Variants in PPM1H observed in about 807,000 individuals in gnomAD.
PPM1H encodes protein phosphatase, Mg2+/Mn2+ dependent 1H, also known as protein phosphatase 1H.
A neutral mutation model predicts 54.9 loss-of-function variants in PPM1H; 27 were observed. The ratio of observed to expected loss-of-function variants is 0.49; its 90% CI spans 0.36 to 0.68. PPM1H has a LOEUF of 0.68. Ranked by LOEUF, PPM1H falls within the 30% of genes least tolerant of loss-of-function variation. The pLI, the probability that PPM1H is intolerant of heterozygous loss-of-function variation, is 0.00. For missense variants in PPM1H, 596 were observed against 667.8 expected (o/e 0.89, Z 1.19); for synonymous variants, 305 against 270.8 (o/e 1.13, Z -1.24).
At position 62,816,633 on chromosome 12, in the gene PPM1H, A is replaced by G. The variant is rs1366086355; in HGVS notation, c.412-14473T>C. Among the ~76,000 whole-genome samples, 7 of 152,356 alleles carry G rather than the reference A, an allele frequency of 4.6e-5. No individual in the cohort carries two copies. The East Asian group carries it at 1.3e-3, about 29-fold the overall frequency. On this transcript the variant is annotated intron_variant, in intron 2 of 9. Transcript: ENST00000228705. ...ACTTCTGGTTTCAAACATTTTGGAT[A>G]AGGGATACTTAGCCTATATAAGGTT... is the stretch of plus-strand genomic sequence containing the variant.
At chr12:62,812,386 TA>T (rs2076841256) in intron 2 of PPM1H, among the ~76,000 whole-genome samples, 1 of 152,182 alleles carries the variant, frequency 6.6e-6, no homozygotes, top group South Asian at 2.1e-4. Flanking sequence ...TTGCTCCAGA[TA>T]AACATGAGTT....
intron 9 of PPM1H, among the ~76,000 whole-genome samples, chr12:62,665,564 TA>T (rs1384945871): frequency 6.6e-6 from 1 of 152,234 alleles, no homozygotes; most frequent in East Asian, 1.9e-4. Context: ...CTGGATTATT[TA>T]TTAGATCAAT....
At chr12:62,868,536 G>A (rs1056275493) in intron 1 of PPM1H, among the ~76,000 whole-genome samples, 3 of 152,148 alleles carry the variant, frequency 2.0e-5, no homozygotes, top group African/African-American at 7.2e-5. Context: ...CCATCTTATT[G>A]ACCGCTACTG....
intron 8 of PPM1H, among the ~76,000 whole-genome samples, chr12:62,685,154 A>C (rs1180653604): frequency 6.6e-6 from 1 of 152,150 alleles, no homozygotes; most frequent in African/African-American, 2.4e-5. Context: ...ATAGGTGCAC[A>C]GTGTTACTTT....
chr12:62,858,878 A>G (rs1024911243), intron 1 of PPM1H, among the ~76,000 whole-genome samples: 39 of 152,242 alleles, frequency 2.6e-4, no homozygotes, highest in African/African-American at 9.4e-4. Context: ...ATGAACAGTC[A>G]TGGGGGACAA....
chr12:62,910,451 A>G (rs1447633576), intron 1 of PPM1H, among the ~76,000 whole-genome samples: 1 of 152,182 alleles, frequency 6.6e-6, no homozygotes, highest in Non-Finnish European at 1.5e-5. Context: ...ATTCAAAGAG[A>G]GAAAGATACT....
chr12:62,734,077 T>C (rs528458573), intron 5 of PPM1H, among the ~76,000 whole-genome samples: 1 of 151,812 alleles, frequency 6.6e-6, no homozygotes, highest in South Asian at 2.1e-4. Flanking sequence ...TAAATGGGAT[T>C]AGAGCCCTTA....
At chr12:62,799,826 T>C (rs2076756257) in intron 3 of PPM1H, among the ~76,000 whole-genome samples, 7 of 152,176 alleles carry the variant, frequency 4.6e-5, no homozygotes. Flanking sequence ...GCACTGGAGA[T>C]ATAACCTGAT....
intron 3 of PPM1H, among the ~76,000 whole-genome samples, chr12:62,791,449 G>C (rs1351679378): frequency 6.6e-6 from 1 of 152,072 alleles, no homozygotes; most frequent in Non-Finnish European, 1.5e-5. Flanking sequence ...TGCATTTAAA[G>C]AACGCATATA....
At chr12:62,650,418 G>A (rs551180321) in intron 9 of PPM1H, among the ~76,000 whole-genome samples, 15 of 152,266 alleles carry the variant, frequency 9.9e-5, no homozygotes, top group South Asian at 6.2e-4. Flanking sequence ...CAAACAGTTC[G>A]TCCTGAGGTT....
intron 4 of PPM1H, chr12:62,755,948 T>C: frequency 1.1e-6 from 1 of 874,464 alleles, no homozygotes; most frequent in Non-Finnish European, 1.9e-6. Context: ...TGCCAATGTG[T>C]CAGTTGTGGG....
chr12:62,915,147 A>G (rs1025198318), intron 1 of PPM1H, among the ~76,000 whole-genome samples: 3 of 152,206 alleles, frequency 2.0e-5, no homozygotes, highest in Non-Finnish European at 4.4e-5. Flanking sequence ...CCCTGCCTCT[A>G]TGCAGTTTTT....
intron 1 of PPM1H, among the ~76,000 whole-genome samples, chr12:62,851,651 C>T (rs527558206): frequency 1.3e-5 from 2 of 151,814 alleles, no homozygotes; most frequent in Admixed American, 6.6e-5. Flanking sequence ...TGCCATGAGC[C>T]GAGATCGTGC....
At chr12:62,666,854 C>T (rs144717449) in intron 9 of PPM1H, among the ~76,000 whole-genome samples, 2,467 of 152,268 alleles carry the variant, frequency 0.016, 35 homozygotes, top group Middle Eastern at 0.031. Flanking sequence ...ACTGGGATTA[C>T]AGGTGCCCAC....
At chr12:62,721,787 A>C (rs889516496) in intron 5 of PPM1H, among the ~76,000 whole-genome samples, 1 of 152,164 alleles carries the variant, frequency 6.6e-6, no homozygotes, top group Non-Finnish European at 1.5e-5. Flanking sequence ...TATATCCCAC[A>C]CTGCTGTTTT....
intron 1 of PPM1H, among the ~76,000 whole-genome samples, chr12:62,869,111 T>C (rs482794): frequency 0.64 from 97,699 of 152,052 alleles, 32,497 homozygotes; most frequent in African/African-American, 0.82. Context: ...CACTGATTCA[T>C]CAATACCCTA....
chr12:62,703,881 T>C (rs1197901772), intron 6 of PPM1H, among the ~76,000 whole-genome samples: 1 of 151,962 alleles, frequency 6.6e-6, no homozygotes, highest in African/African-American at 2.4e-5. Flanking sequence ...CTAACCACAG[T>C]GCTCAGTAAA....
chr12:62,912,417 G>A (rs1372107954), intron 1 of PPM1H, among the ~76,000 whole-genome samples: 1 of 152,170 alleles, frequency 6.6e-6, no homozygotes, highest in Non-Finnish European at 1.5e-5. Context: ...TCTCAGGAAG[G>A]ACAGGGCTTC....
At chr12:62,903,955 T>G (rs1047308016) in intron 1 of PPM1H, among the ~76,000 whole-genome samples, 11 of 152,164 alleles carry the variant, frequency 7.2e-5, no homozygotes, top group African/African-American at 2.4e-4. Flanking sequence ...GATTTATTTT[T>G]TTAGAGTCAC....
Sources: allele counts gnomAD v4.1 joint callset (sites outside exome capture counted in the v4.1 genomes callset), GRCh38; gene constraint gnomAD v4.1.1; transcripts MANE v1.5; gene names NCBI Gene and HGNC (gene_info 2026-07-23, HGNC 2026-07-21).